Variants in CUX2 observed in about 807,000 individuals in gnomAD.
CUX2 encodes the protein cut like homeobox 2, also known as homeobox protein cut-like 2.
A neutral mutation model predicts 144.8 loss-of-function variants in CUX2; 40 were observed. That is an observed-to-expected ratio of 0.28 (90% CI 0.21 to 0.36). The LOEUF (loss-of-function observed/expected upper bound fraction) is 0.36. Among genes scored for constraint, CUX2 ranks in the 10% least tolerant of loss-of-function variants. The pLI is 1.00. For missense variants in CUX2, 1,615 were observed against 1,994.0 expected (o/e 0.81, Z 3.62); for synonymous variants, 827 against 875.6 (o/e 0.94, Z 0.98).
chr12:111,313,859 T>G (rs1368363756), intron 16 of CUX2, among the ~76,000 whole-genome samples: 1 of 152,070 alleles, frequency 6.6e-6, no homozygotes, highest in Non-Finnish European at 1.5e-5. Flanking sequence ...AGGGACCGAG[T>G]TCCATCCTCA....
intron 3 of CUX2, among the ~76,000 whole-genome samples, chr12:111,240,764 C>T (rs1014971636): frequency 2.0e-5 from 3 of 152,202 alleles, no homozygotes; most frequent in Non-Finnish European, 2.9e-5. Flanking sequence ...TACTGCACCT[C>T]CTGGACTTAG....
At chr12:111,165,850 A>G (rs1215726922) in intron 1 of CUX2, among the ~76,000 whole-genome samples, 3 of 152,224 alleles carry the variant, frequency 2.0e-5, no homozygotes, top group African/African-American at 7.2e-5. Flanking sequence ...GTTGTTTAAC[A>G]TTTACCAGCA....
intron 1 of CUX2, among the ~76,000 whole-genome samples, chr12:111,104,816 G>A (rs965685803): frequency 1.3e-5 from 2 of 152,196 alleles, no homozygotes; most frequent in African/African-American, 4.8e-5. Context: ...CCAAGAGTCA[G>A]ATTGGCCCCA....
At chr12:111,294,548 A>C (rs1367815796) in intron 6 of CUX2, among the ~76,000 whole-genome samples, 3 of 146,844 alleles carry the variant, frequency 2.0e-5, no homozygotes, top group Non-Finnish European at 4.5e-5. Flanking sequence ...GCGCCACTGC[A>C]CTCCAGCTTG....
intron 10 of CUX2, among the ~76,000 whole-genome samples, chr12:111,306,271 G>T (rs1369087180): frequency 6.6e-6 from 1 of 151,338 alleles, no homozygotes; most frequent in African/African-American, 2.4e-5. Flanking sequence ...GTTTTAATTG[G>T]CATTTATCTC....
intron 4 of CUX2, among the ~76,000 whole-genome samples, chr12:111,274,246 T>C (rs1164842170): frequency 6.6e-6 from 1 of 152,114 alleles, no homozygotes; most frequent in Non-Finnish European, 1.5e-5. Context: ...TTTATTTTTA[T>C]TGTAAGGCAT....
intron 1 of CUX2, among the ~76,000 whole-genome samples, chr12:111,213,787 T>C (rs1047200170): frequency 2.6e-5 from 4 of 152,142 alleles, no homozygotes; most frequent in Non-Finnish European, 4.4e-5. Context: ...TCCACTATAA[T>C]ATGCCCATAC....
At chr12:111,257,652 T>TCCTCCTCCTC (rs1883906106) in intron 3 of CUX2, among the ~76,000 whole-genome samples, 3 of 118,800 alleles carry the variant, frequency 2.5e-5, no homozygotes, top group African/African-American at 6.8e-5. Flanking sequence ...TCCTCCTCCT[T>TCCTCCTCCTC]CCTCCTCCTC....
At chr12:111,079,555 G>A (rs1256266535) in intron 1 of CUX2, among the ~76,000 whole-genome samples, 4 of 152,110 alleles carry the variant, frequency 2.6e-5, no homozygotes, top group Non-Finnish European at 2.9e-5. Context: ...CCTCGTTGCT[G>A]TTGGTTAAGT....
chr12:111,118,938 G>A (rs1444325812), intron 1 of CUX2, among the ~76,000 whole-genome samples: 3 of 152,088 alleles, frequency 2.0e-5, no homozygotes, highest in Admixed American at 2.0e-4. Context: ...AAAAAACATG[G>A]GCTATCAAAG....
chr12:111,221,256 A>G (rs1323456564), intron 3 of CUX2, among the ~76,000 whole-genome samples: 1 of 152,164 alleles, frequency 6.6e-6, no homozygotes, highest in Non-Finnish European at 1.5e-5. Context: ...CTCGTGATCT[A>G]TTGACTAAGC....
rs1869648366 is a variant in CUX2, at chr12:111,039,732, G to A, written c.63+5492G>A. Among the ~76,000 whole-genome samples, 1 of 152,100 alleles carries A rather than the reference G, an allele frequency of 6.6e-6. No homozygotes were observed. ...TTTTTAGTAGAGACGGGGTTTTGCAGTGTTGACCAGGCTGGTCTTGAAGTC... is the reference window on the plus strand; with the variant it reads ...TTTTTAGTAGAGACGGGGTTTTGCAATGTTGACCAGGCTGGTCTTGAAGTC... On this transcript the variant is annotated intron_variant, in intron 1 of 21. Coordinates refer to ENST00000261726, the MANE Select transcript of CUX2 (RefSeq NM_015267.4). This position sits in a 1 kb window ranked among gnomAD's most constrained non-coding sequence, Gnocchi z 4.2.
At chr12:111,306,850 G>T in intron 10 of CUX2, 71 bp from the exon 11 acceptor site, 2 of 1,300,528 alleles carry the variant, frequency 1.5e-6, no homozygotes, top group Non-Finnish European at 2.1e-6. Flanking sequence ...TGGGATTCAG[G>T]GGTGGGGAGG....
chr12:111,079,798 T>C (rs937753782), intron 1 of CUX2, among the ~76,000 whole-genome samples: 6 of 152,160 alleles, frequency 3.9e-5, no homozygotes, highest in African/African-American at 1.4e-4. Flanking sequence ...GGTGTCCACA[T>C]GGGATGTTCC....
rs1247416376 is a variant in CUX2, at chr12:111,280,183, G to A, written c.302-11235G>A. On this transcript the variant is annotated intron_variant, in intron 4 of 21. Coordinates refer to ENST00000261726, the MANE Select transcript of CUX2 (RefSeq NM_015267.4). Reference sequence around the variant, plus strand: ...TTACGCCTGTAATCTCAGCTACTTGGGAGTCTGAGGCAGGAGAATCGCTTG... The same window carrying A: ...TTACGCCTGTAATCTCAGCTACTTGAGAGTCTGAGGCAGGAGAATCGCTTG... Among the ~76,000 whole-genome samples the A allele has an allele frequency of 2.0e-5, 3 of 152,076 alleles. No homozygotes were observed. The South Asian group carries it at 6.2e-4, about 32-fold the overall frequency.
chr12:111,140,341 C>T (rs1261041374), intron 1 of CUX2, among the ~76,000 whole-genome samples: 1 of 152,208 alleles, frequency 6.6e-6, no homozygotes, highest in Admixed American at 6.5e-5. Flanking sequence ...AGGCAACTCT[C>T]ACTTTCTCAT....
At chr12:111,345,468 G>A (rs1160959389) in intron 21 of CUX2, among the ~76,000 whole-genome samples, 2 of 149,000 alleles carry the variant, frequency 1.3e-5, no homozygotes, top group Non-Finnish European at 3.0e-5. Context: ...AAAAGGCCGG[G>A]CACAGTGGCT....
At chr12:111,069,535 T>TGTGTGTGTGTGTGTGTGCGCGCGC (rs1555266239) in intron 1 of CUX2, among the ~76,000 whole-genome samples, 23 of 148,686 alleles carry the variant, frequency 1.5e-4, no homozygotes, top group East Asian at 1.2e-3. Flanking sequence ...TGTGTGTGTG[T>TGTGTGTGTGTGTGTGTGCGCGCGC]GTGTGTGTGT....
At chr12:111,089,747 G>T (rs1157528626) in intron 1 of CUX2, among the ~76,000 whole-genome samples, 1 of 152,234 alleles carries the variant, frequency 6.6e-6, no homozygotes, top group Non-Finnish European at 1.5e-5. Context: ...AAGGCTCAGA[G>T]GTCAGAGAGT....
Sources: gnomAD v4.1 joint callset for allele counts (sites outside exome capture counted in the v4.1 genomes callset) on GRCh38, gnomAD v4.1.1 for gene constraint, Gnocchi (gnomAD v3.1) non-coding constraint, MANE v1.5 for transcripts, NCBI Gene and HGNC (gene_info 2026-07-23, HGNC 2026-07-21) for gene names.